CCDC148: variants seen among roughly 807,000 people sequenced by gnomAD.
The protein encoded by CCDC148 is coiled-coil domain containing 148, also known as coiled-coil domain-containing protein 148.
In CCDC148, 89 loss-of-function variants were observed where a neutral mutation model predicts 85.7. The ratio of observed to expected loss-of-function variants is 1.04; its 90% CI spans 0.87 to 1.24. CCDC148 has a LOEUF of 1.24. Among genes scored for constraint, CCDC148 ranks in the 50% most tolerant of loss-of-function variants. The pLI is 0.00. For synonymous variants in CCDC148, 230 were observed against 213.9 expected (o/e 1.08, Z -0.66); for missense variants, 692 against 671.7 (o/e 1.03, Z -0.33).
chr2:158,428,040 T>C (rs1687158213), intron 1 of CCDC148, among the ~76,000 whole-genome samples: 1 of 152,086 alleles, frequency 6.6e-6, no homozygotes, highest in Admixed American at 6.6e-5. Flanking sequence ...CTAAAATCAA[T>C]AAGAATCTAT....
chr2:158,317,933 A>G (rs554218834), intron 7 of CCDC148, among the ~76,000 whole-genome samples: 1 of 152,194 alleles, frequency 6.6e-6, no homozygotes, highest in South Asian at 2.1e-4. Context: ...GTGTTAGGGG[A>G]CACCTACTGC....
intron 11 of CCDC148, among the ~76,000 whole-genome samples, chr2:158,194,863 T>C (rs537658382): frequency 6.6e-6 from 1 of 152,200 alleles, no homozygotes; most frequent in Admixed American, 6.5e-5. Context: ...TATTATGTTA[T>C]TCTCTTTCCA....
chr2:158,376,516 A>G (rs1317826136), intron 1 of CCDC148, among the ~76,000 whole-genome samples: 5 of 152,140 alleles, frequency 3.3e-5, no homozygotes, highest in Admixed American at 6.6e-5. Context: ...CTATTAAATT[A>G]CAGTGCCTGG....
intron 1 of CCDC148, among the ~76,000 whole-genome samples, chr2:158,363,528 G>A (rs151078912): frequency 3.7e-3 from 570 of 152,118 alleles, no homozygotes; most frequent in Non-Finnish European, 6.6e-3. Flanking sequence ...ATCAATAAAC[G>A]TAATCCATCG....
intron 1 of CCDC148, among the ~76,000 whole-genome samples, chr2:158,415,427 G>A (rs1258027895): frequency 6.6e-6 from 1 of 152,122 alleles, no homozygotes; most frequent in Non-Finnish European, 1.5e-5. Context: ...TTCAACATGA[G>A]ATTTGGGCAG....
intron 9 of CCDC148, among the ~76,000 whole-genome samples, chr2:158,287,788 A>G (rs757736203): frequency 6.6e-6 from 1 of 152,158 alleles, no homozygotes; most frequent in Non-Finnish European, 1.5e-5. Flanking sequence ...CTGCAGGATG[A>G]TGACCCTTTT....
chr2:158,323,919 CT>C lies in CCDC148; in HGVS notation c.765-10026del, dbSNP rs777356867. Among the ~76,000 whole-genome samples, 595 of 82,952 alleles carry C rather than the reference CT, an allele frequency of 7.2e-3. 2 individuals carry two copies. The highest frequency in any genetic ancestry group is 0.02 in the African/African-American group (461 of 23,630). 54.4% of individuals were successfully genotyped at this position (82,952 alleles called of 152,430 possible). Reference sequence around the variant, plus strand: ...GTCTAATTTCACCACCTGGGAATAACTTTTTTTTTTTTTTTTTTTTTTTTTT... The same window carrying C: ...GTCTAATTTCACCACCTGGGAATAACTTTTTTTTTTTTTTTTTTTTTTTTT... On this transcript the variant is annotated intron_variant, in intron 7 of 13. Coordinates refer to ENST00000283233, the MANE Select transcript of CCDC148 (RefSeq NM_138803.4).
intron 10 of CCDC148, among the ~76,000 whole-genome samples, chr2:158,233,524 G>A (rs1687953925): frequency 6.6e-6 from 1 of 150,826 alleles, no homozygotes; most frequent in South Asian, 2.1e-4. Context: ...GAGATACAAG[G>A]TATACATTTG....
intron 1 of CCDC148, among the ~76,000 whole-genome samples, chr2:158,444,590 G>A (rs965606843): frequency 2.6e-5 from 4 of 151,834 alleles, no homozygotes; most frequent in African/African-American, 9.7e-5. Context: ...AGACCAGCCT[G>A]AGCAACATAG....
intron 1 of CCDC148, among the ~76,000 whole-genome samples, chr2:158,455,554 T>G (rs768620388): frequency 6.6e-6 from 1 of 152,188 alleles, no homozygotes; most frequent in Non-Finnish European, 1.5e-5. Context: ...AACCTGTTTC[T>G]CCCAACAAAA....
chr2:158,284,131 T>C (rs1244132617), intron 9 of CCDC148, among the ~76,000 whole-genome samples: 1 of 62,756 alleles, frequency 1.6e-5, no homozygotes, highest in Admixed American at 2.5e-4. Context: ...TGTTGTGGGG[T>C]GGGGGGAGGG....
At chr2:158,442,473 G>C (rs1687976192) in intron 1 of CCDC148, among the ~76,000 whole-genome samples, 2 of 152,206 alleles carry the variant, frequency 1.3e-5, no homozygotes, top group South Asian at 4.1e-4. Context: ...AACAGGAAAT[G>C]TACTGGGAGA....
At chr2:158,407,362 C>A (rs75006818) in intron 1 of CCDC148, among the ~76,000 whole-genome samples, 26,876 of 152,098 alleles carry the variant, frequency 0.18, 3,101 homozygotes, top group Non-Finnish European at 0.25. Flanking sequence ...TCTTGAATTG[C>A]ATGATCAGGA....
chr2:158,321,956 T>C (rs1692537721), intron 7 of CCDC148, among the ~76,000 whole-genome samples: 2 of 152,168 alleles, frequency 1.3e-5, no homozygotes, highest in African/African-American at 4.8e-5. Flanking sequence ...AGAAAGAACA[T>C]GAACGTGACA....
intron 1 of CCDC148, among the ~76,000 whole-genome samples, chr2:158,429,052 A>C (rs1041021121): frequency 4.6e-5 from 7 of 151,192 alleles, no homozygotes; most frequent in South Asian, 2.1e-4. Context: ...AACCAAACAC[A>C]GCATGTTCTC....
chr2:158,451,659 T>C (rs543526416), intron 1 of CCDC148, among the ~76,000 whole-genome samples: 1 of 152,040 alleles, frequency 6.6e-6, no homozygotes, highest in Non-Finnish European at 1.5e-5. Flanking sequence ...GAGAACAGAT[T>C]GTTGAGGAAT....
At chr2:158,356,419 A>G (rs1267528033) in intron 2 of CCDC148, among the ~76,000 whole-genome samples, 2 of 147,146 alleles carry the variant, frequency 1.4e-5, no homozygotes, top group Non-Finnish European at 3.0e-5. Context: ...AAGTGGGCGA[A>G]GGACATGAAC....
At chr2:158,377,813 A>G (rs1684716490) in intron 1 of CCDC148, among the ~76,000 whole-genome samples, 1 of 152,090 alleles carries the variant, frequency 6.6e-6, no homozygotes, top group Non-Finnish European at 1.5e-5. Flanking sequence ...TAATTGTTTT[A>G]GTGCACCTCA....
chr2:158,298,913 A>C (rs1574575355), intron 9 of CCDC148, among the ~76,000 whole-genome samples: 1 of 152,096 alleles, frequency 6.6e-6, no homozygotes, highest in African/African-American at 2.4e-5. Flanking sequence ...AGTATTTGGT[A>C]ATTTTCATCA....
Sources: gnomAD v4.1 joint callset for allele counts (sites outside exome capture counted in the v4.1 genomes callset) on GRCh38, gnomAD v4.1.1 for gene constraint, MANE v1.5 for transcripts, NCBI Gene and HGNC (gene_info 2026-07-23, HGNC 2026-07-21) for gene names.